NEK6: variants seen among roughly 807,000 people sequenced by gnomAD.
NEK6 encodes NIMA related kinase 6, also known as serine/threonine-protein kinase Nek6.
NEK6 carries 27 observed loss-of-function variants against 43.5 expected under a neutral mutation model. That is an observed-to-expected ratio of 0.62 (90% CI 0.46 to 0.86). The LOEUF is 0.86. Ranked by LOEUF, NEK6 falls within the 40% of genes least tolerant of loss-of-function variation. The pLI, the probability that NEK6 is intolerant of heterozygous loss-of-function variation, is 0.00. For missense variants in NEK6, 318 were observed against 414.4 expected, an observed-to-expected ratio of 0.77 and a Z score of 2.02; for synonymous variants, 167 against 164.1, an observed-to-expected ratio of 1.02 and a Z score of -0.14.
intron 1 of NEK6, among the ~76,000 whole-genome samples, chr9:124,297,313 T>C (rs981137006): frequency 6.6e-6 from 1 of 152,116 alleles, no homozygotes; most frequent in Non-Finnish European, 1.5e-5. Flanking sequence ...GCCTCAGAGG[T>C]CCCTTCCCAT....
intron 4 of NEK6, among the ~76,000 whole-genome samples, chr9:124,319,112 G>A (rs1050778280): frequency 7.2e-5 from 11 of 152,178 alleles, no homozygotes; most frequent in Admixed American, 6.5e-4. Context: ...AACCTCTCGA[G>A]TAGCTGTGAC....
chr9:124,294,322 C>G (rs962347360), intron 1 of NEK6, among the ~76,000 whole-genome samples: 10 of 152,144 alleles, frequency 6.6e-5, no homozygotes, highest in African/African-American at 2.4e-4. Context: ...GGTAGTCCTT[C>G]CAGCCCCTGG....
In NEK6 at chr9:124,312,542, C is replaced by A. The variant is rs1409086630; in HGVS notation, c.124C>A (p.Leu42Met). 6.2e-7 allele frequency: 1 copy of A among 1,614,060 alleles called. No homozygotes were observed. Among genetic ancestry groups the A allele is most frequent in the East Asian group, 2.2e-5 (1 of 44,890 alleles). Residue 42 changes from leucine to methionine, a missense_variant, in exon 3 of 10, where the codon CTG (leucine) becomes ATG (methionine). This residue lies in a region of NEK6 where 239 missense variants were observed against 344.4 expected (regional missense o/e 0.69). Coordinates refer to ENST00000320246, the MANE Select transcript of NEK6 (RefSeq NM_014397.6). ...HPNTLSFRCS[L>M]ADFQIEKKIG... ...CAACACGCTGTCTTTTCGCTGCTCG[C>A]TGGCGGACTTCCAGATCGAAAAGAA...
intron 1 of NEK6, chr9:124,292,382 C>T: frequency 6.6e-7 from 1 of 1,518,644 alleles, no homozygotes; most frequent in South Asian, 1.2e-5. Context: ...TCTGAGTTTC[C>T]AGGGAAGCAG....
intron 1 of NEK6, among the ~76,000 whole-genome samples, chr9:124,267,149 C>T (rs1486144188): frequency 2.0e-5 from 3 of 152,260 alleles, no homozygotes; most frequent in Admixed American, 1.3e-4. Flanking sequence ...TGAGCACAGA[C>T]ATGACTTTTT....
intron 1 of NEK6, among the ~76,000 whole-genome samples, chr9:124,279,333 A>C (rs1266854904): frequency 4.1e-5 from 5 of 123,264 alleles, no homozygotes; most frequent in South Asian, 2.5e-4. Flanking sequence ...ACGGAGTCTC[A>C]CTCTGTCACC....
At chr9:124,259,151 GC>G (rs1468276826) in intron 1 of NEK6, 1 of 152,266 alleles carries the variant, frequency 6.6e-6, no homozygotes, top group Non-Finnish European at 1.5e-5. Flanking sequence ...TGACTGACAG[GC>G]TTTTGTGTGT....
chr9:124,259,362 T>TAAAAACCC (rs1830934790), intron 1 of NEK6: 1 of 152,044 alleles, frequency 6.6e-6, no homozygotes. Flanking sequence ...ACCCTGTCGT[T>TAAAAACCC]AATGGAAGAA....
intron 1 of NEK6, among the ~76,000 whole-genome samples, chr9:124,262,484 T>A (rs538924939): frequency 6.6e-6 from 1 of 152,382 alleles, no homozygotes; most frequent in African/African-American, 2.4e-5. Flanking sequence ...CATACATGGC[T>A]GCGCCATTGT....
Position 124,326,417 on chromosome 9 carries a change from T to G in NEK6, c.493T>G (p.Ser165Ala). The change falls in exon 6 of 10, where the codon TCA (serine) becomes GCA (alanine). Residue 165 changes from serine to alanine, a missense_variant. Physicochemically the swap from Ser to Ala is moderately conservative, Grantham distance 99 (BLOSUM62 1). Coordinates refer to ENST00000320246, the MANE Select transcript of NEK6 (RefSeq NM_014397.6). This position sits in a 1 kb window ranked among gnomAD's most constrained non-coding sequence, Gnocchi z 4.5. ...GTGCAGCGCCGTGGAGCACATGCAT[T>G]CACGCCGGGTGATGCACCGAGGTAC... ...QLCSAVEHMH[S>A]RRVMHRDIKP... The G allele has an allele frequency of 1.9e-6, 3 of 1,608,980 alleles. No homozygotes were observed. Among genetic ancestry groups the G allele is most frequent in the Non-Finnish European group, 2.5e-6 (3 of 1,179,494 alleles).
intron 8 of NEK6, among the ~76,000 whole-genome samples, chr9:124,342,625 C>G (rs1829697581): frequency 6.6e-6 from 1 of 152,260 alleles, no homozygotes; most frequent in African/African-American, 2.4e-5. Flanking sequence ...TGCAGCTTGC[C>G]ACATTTCCCT....
chr9:124,288,073 C>T (rs528306035), intron 1 of NEK6, among the ~76,000 whole-genome samples: 74 of 152,356 alleles, frequency 4.9e-4, no homozygotes, highest in African/African-American at 1.6e-3. Context: ...CAGCCTCTCT[C>T]GCCCTCCCAA....
In NEK6 at chr9:124,324,079, C is replaced by G. The variant is rs1477735177; in HGVS notation, c.406-2251C>G. 6.6e-6 allele frequency among the ~76,000 whole-genome samples: 1 copy of G among 152,190 alleles called. No individual in the cohort carries two copies. Among genetic ancestry groups the G allele is most frequent in the Non-Finnish European group, 1.5e-5 (1 of 68,036 alleles). On this transcript the variant is annotated intron_variant, in intron 5 of 9. Coordinates refer to ENST00000320246, the MANE Select transcript of NEK6 (RefSeq NM_014397.6). The surrounding 1 kb of genome is among the most constrained non-coding windows in gnomAD (Gnocchi z 5.3). ...TGCTCCCGTTCCCTCCAACCCGGCTCAGGGGCCCTCACCTGCAGAGCTGGC... is the reference window on the plus strand; with the variant it reads ...TGCTCCCGTTCCCTCCAACCCGGCTGAGGGGCCCTCACCTGCAGAGCTGGC...
intron 4 of NEK6, among the ~76,000 whole-genome samples, chr9:124,318,057 G>A (rs80289710): frequency 1.3e-5 from 2 of 152,134 alleles, no homozygotes; most frequent in African/African-American, 2.4e-5. Context: ...GGATTGCTGG[G>A]TCAAATGGTA....
rs1285132329 is a variant in NEK6 at position 124,351,013 on chromosome 9, G to A, written c.*66G>A. The A allele has an allele frequency of 8.0e-6, 9 of 1,127,072 alleles. No homozygotes were observed. The highest frequency in any genetic ancestry group is 1.5e-5 in the African/African-American group (1 of 65,498). The allele number at this position is 1,127,072 out of a possible 1,614,324, so 69.8% of individuals were successfully genotyped here. On this transcript the variant is annotated 3_prime_UTR_variant, in exon 10 of 10. Coordinates refer to ENST00000320246, the MANE Select transcript of NEK6 (RefSeq NM_014397.6). ...GCCTTACTTGAGTCGTCTTCTCTTC[G>A]AGTGGCCACCTGGTAGCCTAGAACA...
At chr9:124,327,522 C>G (rs1239219711) in intron 7 of NEK6, 77 bp downstream of exon 7, 1 of 1,137,936 alleles carries the variant, frequency 8.8e-7, no homozygotes, top group Non-Finnish European at 1.3e-6. Context: ...ACATTCTCCC[C>G]ACGTGTGTTT....
At chr9:124,311,939 A>G (rs1471946385) in intron 2 of NEK6, among the ~76,000 whole-genome samples, 1 of 152,196 alleles carries the variant, frequency 6.6e-6, no homozygotes, top group Non-Finnish European at 1.5e-5. Flanking sequence ...CTCCCGCCTC[A>G]GCTCCCAAAA....
rs1830278502 is a variant in NEK6, at chr9:124,351,623, G to A, written c.*676G>A. ...TCTCCTGGACACCTGCTGTGTACCAGGAACTTCGTCACCTCCTTGAATGCT... is the reference window on the plus strand; with the variant it reads ...TCTCCTGGACACCTGCTGTGTACCAAGAACTTCGTCACCTCCTTGAATGCT... On this transcript the variant is annotated 3_prime_UTR_variant, in exon 10 of 10. Coordinates refer to ENST00000320246, the MANE Select transcript of NEK6 (RefSeq NM_014397.6). 1 of 152,224 alleles carries A rather than the reference G, an allele frequency of 6.6e-6. No homozygotes were observed. 9.4% of individuals were successfully genotyped at this position (152,224 alleles called of 1,614,324 possible). A position where few individuals can be genotyped will look rare whatever the true frequency, so the allele number is the denominator to read the frequency against.
chr9:124,345,818 G>GCAA (rs1476929552), intron 8 of NEK6, among the ~76,000 whole-genome samples: 1 of 152,200 alleles, frequency 6.6e-6, no homozygotes, highest in Non-Finnish European at 1.5e-5. Context: ...CTCTGTTATG[G>GCAA]CAACAGATGT....
Sources: gnomAD v4.1 joint callset for allele counts (sites outside exome capture counted in the v4.1 genomes callset) on GRCh38, gnomAD v4.1.1 for gene constraint, gnomAD v4.1.1 regional missense constraint, Gnocchi (gnomAD v3.1) non-coding constraint, MANE v1.5 for transcripts, NCBI Gene and HGNC (gene_info 2026-07-23, HGNC 2026-07-21) for gene names.